Variants in NEGR1 observed in about 807,000 individuals in gnomAD.
NEGR1 encodes the protein neuronal growth regulator 1, also known as IgLON family member 4.
A neutral mutation model predicts 40.9 loss-of-function variants in NEGR1; 10 were observed. The ratio of observed to expected loss-of-function variants is 0.24; its 90% CI spans 0.15 to 0.42. The LOEUF (loss-of-function observed/expected upper bound fraction) is 0.42. NEGR1 is among the 10% of genes least tolerant of loss of function. The probability of loss-of-function intolerance (pLI) is 1.00; values close to 1 mark genes in which losing one functional copy is unlikely to be tolerated. For missense variants in NEGR1, 352 were observed against 438.9 expected (o/e 0.80, Z 1.77); for synonymous variants, 185 against 166.8 (o/e 1.11, Z -0.84).
chr1:71,687,110 A>T (rs1052668851), intron 4 of NEGR1, among the ~76,000 whole-genome samples: 4 of 152,228 alleles, frequency 2.6e-5, no homozygotes, highest in African/African-American at 9.6e-5. Flanking sequence ...AGAAAAATTA[A>T]TATGCATTAG....
At chr1:71,469,890 C>A (rs1018857232) in intron 6 of NEGR1, among the ~76,000 whole-genome samples, 14 of 152,062 alleles carry the variant, frequency 9.2e-5, no homozygotes, top group African/African-American at 3.1e-4. Context: ...ATAGTGGTGA[C>A]TATCCTTTGT....
At chr1:71,845,971 C>T (rs1269281587) in intron 2 of NEGR1, among the ~76,000 whole-genome samples, 5 of 134,268 alleles carry the variant, frequency 3.7e-5, no homozygotes. Context: ...ACTATGTTGT[C>T]CATGCTGGTC....
chr1:71,467,795 A>G (rs1466492997), intron 6 of NEGR1, among the ~76,000 whole-genome samples: 1 of 152,046 alleles, frequency 6.6e-6, no homozygotes, highest in Non-Finnish European at 1.5e-5. Flanking sequence ...ACTTATATAT[A>G]GCACATTTAA....
At chr1:71,702,180 C>A (rs943786863) in intron 3 of NEGR1, among the ~76,000 whole-genome samples, 1 of 152,054 alleles carries the variant, frequency 6.6e-6, no homozygotes, top group Non-Finnish European at 1.5e-5. Flanking sequence ...TGTTTCTTTT[C>A]TTCCTGCCTT....
chr1:71,771,804 C>G (rs1656341083), intron 3 of NEGR1, among the ~76,000 whole-genome samples: 1 of 149,378 alleles, frequency 6.7e-6, no homozygotes, highest in Admixed American at 6.7e-5. Context: ...AGTAGAATGT[C>G]AAGTGCTAAC....
At chr1:72,090,292 G>A (rs1432839223) in intron 1 of NEGR1, among the ~76,000 whole-genome samples, 1 of 151,062 alleles carries the variant, frequency 6.6e-6, no homozygotes, top group Non-Finnish European at 1.5e-5. Context: ...AGGTGATGGG[G>A]GCCAGGGAGG....
At chr1:71,595,246 C>T (rs564363) in intron 5 of NEGR1, among the ~76,000 whole-genome samples, 2,859 of 152,270 alleles carry the variant, frequency 0.019, 92 homozygotes, top group African/African-American at 0.065. Flanking sequence ...CCCTGCTACT[C>T]GGATCAGCCA....
intron 1 of NEGR1, among the ~76,000 whole-genome samples, chr1:72,035,238 C>A (rs1367557337): frequency 5.9e-5 from 9 of 152,184 alleles, no homozygotes; most frequent in Non-Finnish European, 1.3e-4. Flanking sequence ...GCTTTCTCTG[C>A]ATGCGGAAGC....
intron 3 of NEGR1, among the ~76,000 whole-genome samples, chr1:71,771,870 G>A (rs1656343805): frequency 6.6e-6 from 1 of 152,078 alleles, no homozygotes; most frequent in African/African-American, 2.4e-5. Context: ...TTGATCATCA[G>A]AGTGAAGGCT....
intron 1 of NEGR1, among the ~76,000 whole-genome samples, chr1:71,948,976 A>G (rs1244940394): frequency 1.3e-5 from 2 of 152,060 alleles, no homozygotes; most frequent in African/African-American, 4.8e-5. Context: ...AAGAGGAAAA[A>G]AAATACACTA....
intron 1 of NEGR1, among the ~76,000 whole-genome samples, chr1:72,065,021 A>C (rs1301438459): frequency 6.6e-6 from 1 of 152,038 alleles, no homozygotes; most frequent in Non-Finnish European, 1.5e-5. Flanking sequence ...TTCCTGAGTA[A>C]AACAAATTTC....
chr1:71,772,432 T>C (rs573158002), intron 3 of NEGR1, among the ~76,000 whole-genome samples: 1 of 69,022 alleles, frequency 1.4e-5, no homozygotes, highest in South Asian at 6.8e-4. Context: ...GGGGAGTATA[T>C]ACATTGTTGA....
chr1:71,698,428 TTTC>T (rs1282851509), intron 3 of NEGR1, among the ~76,000 whole-genome samples: 3 of 151,848 alleles, frequency 2.0e-5, no homozygotes, highest in Non-Finnish European at 4.4e-5. Flanking sequence ...ACTCTGCACA[TTTC>T]TGTAATTGAG....
At chr1:72,181,159 T>C (rs1025745849) in intron 1 of NEGR1, among the ~76,000 whole-genome samples, 6 of 152,170 alleles carry the variant, frequency 3.9e-5, no homozygotes. Context: ...TTATTTGACA[T>C]TGAATGTCCA....
chr1:71,448,248 C>T (rs1423857439), intron 6 of NEGR1, among the ~76,000 whole-genome samples: 1 of 144,448 alleles, frequency 6.9e-6, no homozygotes, highest in Admixed American at 6.9e-5. Context: ...AAAAAAAAGA[C>T]ACAGAGAGAG....
intron 1 of NEGR1, among the ~76,000 whole-genome samples, chr1:72,135,983 T>C (rs1046606558): frequency 3.9e-5 from 6 of 152,252 alleles, no homozygotes; most frequent in Non-Finnish European, 5.9e-5. Context: ...CAACAGACTT[T>C]AAAAGATGGT....
At chr1:72,067,845 A>G (rs1310101465) in intron 1 of NEGR1, among the ~76,000 whole-genome samples, 3 of 152,152 alleles carry the variant, frequency 2.0e-5, no homozygotes, top group African/African-American at 7.2e-5. Flanking sequence ...ACTTCCTATC[A>G]TTACTGAAGG....
chr1:71,709,686 C>G (rs1027931452), intron 3 of NEGR1, among the ~76,000 whole-genome samples: 2 of 152,156 alleles, frequency 1.3e-5, no homozygotes, highest in Non-Finnish European at 2.9e-5. Flanking sequence ...AAACTAGATT[C>G]CTGTTTCTCA....
chr1:72,186,358 T>A (rs549088462), intron 1 of NEGR1, among the ~76,000 whole-genome samples: 29 of 151,842 alleles, frequency 1.9e-4, no homozygotes, highest in Middle Eastern at 3.4e-3. Context: ...TTTTCTTCCC[T>A]ACTCAATCTA....
Sources: allele counts gnomAD v4.1 joint callset (sites outside exome capture counted in the v4.1 genomes callset), GRCh38; gene constraint gnomAD v4.1.1; transcripts MANE v1.5; gene names NCBI Gene and HGNC (gene_info 2026-07-23, HGNC 2026-07-21).